Variants in MAPRE3 observed in about 807,000 individuals in gnomAD.
MAPRE3 encodes the protein microtubule associated protein RP/EB family member 3, also known as microtubule-associated protein RP/EB family member 3.
A neutral mutation model predicts 30.5 loss-of-function variants in MAPRE3; 2 were observed. The observed-to-expected ratio is 0.07, with a 90% confidence interval of 0.03 to 0.21. The LOEUF (loss-of-function observed/expected upper bound fraction) is 0.21. Ranked by LOEUF, MAPRE3 falls within the 10% of genes least tolerant of loss-of-function variation. The pLI is 1.00. For missense variants in MAPRE3, 204 were observed against 351.8 expected, an observed-to-expected ratio of 0.58 and a Z score of 3.36; for synonymous variants, 110 against 127.7, an observed-to-expected ratio of 0.86 and a Z score of 0.93.
At chr2:26,989,667 C>T (rs1304893410) in intron 1 of MAPRE3, among the ~76,000 whole-genome samples, 7 of 152,142 alleles carry the variant, frequency 4.6e-5, no homozygotes, top group Non-Finnish European at 1.0e-4. Context: ...AATGAGATGG[C>T]TAAGTGACAG....
chr2:26,997,927 A>C (rs1237948198), intron 1 of MAPRE3, among the ~76,000 whole-genome samples: 1 of 152,232 alleles, frequency 6.6e-6, no homozygotes, highest in Non-Finnish European at 1.5e-5. Flanking sequence ...TCCAGCCTTC[A>C]GTCTGGTTCT....
At chr2:27,002,686 C>T (rs1461986757) in intron 1 of MAPRE3, among the ~76,000 whole-genome samples, 1 of 152,154 alleles carries the variant, frequency 6.6e-6, no homozygotes, top group Non-Finnish European at 1.5e-5. Flanking sequence ...CCTGTATGTC[C>T]AGGCAGGCTG....
intron 1 of MAPRE3, among the ~76,000 whole-genome samples, chr2:27,017,849 T>C (rs1315042980): frequency 6.6e-6 from 1 of 152,138 alleles, no homozygotes; most frequent in Non-Finnish European, 1.5e-5. Flanking sequence ...ATATAATGTA[T>C]ATATAATATA....
Position 27,022,235 on chromosome 2 carries a change from A to G in MAPRE3, c.17A>G (p.Tyr6Cys). Residue 6 changes from tyrosine to cysteine, a missense_variant, in exon 2 of 7, where the codon TAC becomes TGC. Coordinates refer to ENST00000233121, the MANE Select transcript of MAPRE3 (RefSeq NM_012326.4). MAVNV[Y>C]STSVTSENLS... Reference sequence around the variant, plus strand: ...AGCTGGGGTATGGCCGTCAATGTGTACTCCACATCTGTGACCAGTGAAAAT... The same window carrying G: ...AGCTGGGGTATGGCCGTCAATGTGTGCTCCACATCTGTGACCAGTGAAAAT... 6.2e-7 allele frequency: 1 copy of G among 1,613,752 alleles called. No homozygotes were observed. The highest frequency in any genetic ancestry group is 8.5e-7 in the Non-Finnish European group (1 of 1,179,966).
In MAPRE3 at chr2:27,004,728, T is replaced by TAA. The variant is rs563188243; in HGVS notation, c.-7-17467_-7-17466dup. 5.6e-4 allele frequency among the ~76,000 whole-genome samples: 68 copies of TAA among 120,430 alleles called. 1 individual carries two copies. Among genetic ancestry groups the TAA allele is most frequent in the African/African-American group, 1.3e-3 (43 of 32,336 alleles). The allele number at this position is 120,430 out of a possible 152,430, so 79.0% of individuals were successfully genotyped here. On this transcript the variant is annotated intron_variant, in intron 1 of 6. Coordinates refer to ENST00000233121, the MANE Select transcript of MAPRE3 (RefSeq NM_012326.4). ...AATTACTAGAATATCAAGGATCTAG[T>TAA]AAAAAAAAAAAAAAAAAAGTAAATG...
intron 1 of MAPRE3, among the ~76,000 whole-genome samples, chr2:26,999,745 ACCTG>A (rs1211864354): frequency 1.3e-5 from 2 of 151,516 alleles, no homozygotes; most frequent in African/African-American, 4.9e-5. Flanking sequence ...CAGATGTTCC[ACCTG>A]CCTTGGCCTC....
intron 1 of MAPRE3, among the ~76,000 whole-genome samples, chr2:27,021,513 G>A (rs895787953): frequency 2.6e-5 from 4 of 152,252 alleles, no homozygotes; most frequent in African/African-American, 9.6e-5. Flanking sequence ...GGAGTCTGAA[G>A]TCGGAGCAGA....
intron 1 of MAPRE3, among the ~76,000 whole-genome samples, chr2:26,982,017 G>C (rs1364961559): frequency 6.6e-6 from 1 of 152,118 alleles, no homozygotes; most frequent in Non-Finnish European, 1.5e-5. Flanking sequence ...TGGAGCTTGG[G>C]TTCTACTCAT....
chr2:27,025,062 G>C (rs1418134097), intron 4 of MAPRE3, among the ~76,000 whole-genome samples: 2 of 152,136 alleles, frequency 1.3e-5, no homozygotes, highest in Non-Finnish European at 2.9e-5. Context: ...GGAGGAGCTG[G>C]GGTCCCTGAT....
In MAPRE3 at chr2:27,024,351, T is replaced by G. The variant is rs183817979; in HGVS notation, c.469+54T>G. Reference sequence around the variant, plus strand: ...GTGGGGGGCCGGGCCGGCAGGCCTCTATAGCCAGGAGTGCCCCCTGGGCCA... The same window carrying G: ...GTGGGGGGCCGGGCCGGCAGGCCTCGATAGCCAGGAGTGCCCCCTGGGCCA... On this transcript the variant is annotated intron_variant, in intron 4 of 6. Transcript: ENST00000233121. The G allele has an allele frequency of 3.5e-3, 5,447 of 1,545,090 alleles. 202 individuals are homozygous for G. The African/African-American group carries it at 0.068, about 19-fold the overall frequency.
At chr2:27,010,781 C>T (rs149518410) in intron 1 of MAPRE3, among the ~76,000 whole-genome samples, 3 of 152,156 alleles carry the variant, frequency 2.0e-5, no homozygotes, top group East Asian at 3.9e-4. Flanking sequence ...CTGAAAGAAC[C>T]AAAATGCTCT....
chr2:27,000,607 C>G (rs1666573648), intron 1 of MAPRE3, among the ~76,000 whole-genome samples: 1 of 152,198 alleles, frequency 6.6e-6, no homozygotes, highest in African/African-American at 2.4e-5. Flanking sequence ...TTGATTCTGC[C>G]AAGAAGGCAA....
chr2:27,001,217 T>TA (rs1186837948), intron 1 of MAPRE3, among the ~76,000 whole-genome samples: 2 of 152,228 alleles, frequency 1.3e-5, no homozygotes, highest in Non-Finnish European at 2.9e-5. Context: ...CACCCAAACC[T>TA]AGATGGTATT....
intron 4 of MAPRE3, among the ~76,000 whole-genome samples, chr2:27,025,275 A>G (rs1421124556): frequency 6.6e-6 from 1 of 152,004 alleles, no homozygotes; most frequent in Non-Finnish European, 1.5e-5. Flanking sequence ...ACTTCCCCAA[A>G]TTTGCGTCCT....
At chr2:26,992,992 A>C (rs1248206372) in intron 1 of MAPRE3, among the ~76,000 whole-genome samples, 2 of 152,120 alleles carry the variant, frequency 1.3e-5, no homozygotes, top group African/African-American at 2.4e-5. Context: ...CAGTTTAGTC[A>C]TAGGGATTGT....
intron 6 of MAPRE3, 76 bp downstream of exon 6, chr2:27,026,108 G>A: frequency 6.4e-7 from 1 of 1,559,198 alleles, no homozygotes; most frequent in Non-Finnish European, 8.8e-7. Context: ...AGGGCCAGAA[G>A]GGACCGTGGA....
intron 1 of MAPRE3, among the ~76,000 whole-genome samples, chr2:26,995,780 GGTGTGTGTGTGTGTGT>G (rs1276648645): frequency 1.1e-4 from 12 of 109,694 alleles, no homozygotes; most frequent in South Asian, 3.9e-4. Flanking sequence ...TTCTAAGAGA[GGTGTGTGTGTGTGTGT>G]GTGTGTGTGT....
At position 27,015,557 on chromosome 2, in the gene MAPRE3, A is replaced by G. The variant is rs1261154725; in HGVS notation, c.-7-6655A>G. On this transcript the variant is annotated intron_variant, in intron 1 of 6. Coordinates refer to ENST00000233121, the MANE Select transcript of MAPRE3 (RefSeq NM_012326.4). This position sits in a 1 kb window ranked among gnomAD's most constrained non-coding sequence, Gnocchi z 4.0. ...CTGGGCAGAGGGTGGAGGCCTGGAA[A>G]CTGCAGGGGGTTCTTCCAGGGACCA... 1.3e-5 allele frequency among the ~76,000 whole-genome samples: 2 copies of G among 152,054 alleles called. No individual in the cohort carries two copies. Among genetic ancestry groups the G allele is most frequent in the African/African-American group, 4.8e-5 (2 of 41,400 alleles).
chr2:27,011,397 T>C (rs1163311874), intron 1 of MAPRE3, among the ~76,000 whole-genome samples: 1 of 152,224 alleles, frequency 6.6e-6, no homozygotes, highest in African/African-American at 2.4e-5. Flanking sequence ...GTGGCGTCCC[T>C]TGTTATTTTA....
Sources: gnomAD v4.1 joint callset for allele counts (sites outside exome capture counted in the v4.1 genomes callset) on GRCh38, gnomAD v4.1.1 for gene constraint, Gnocchi (gnomAD v3.1) non-coding constraint, MANE v1.5 for transcripts, NCBI Gene and HGNC (gene_info 2026-07-23, HGNC 2026-07-21) for gene names.